Variants in SMURF1 observed in about 807,000 individuals in gnomAD.
SMURF1 encodes E3 ubiquitin-protein ligase SMURF1.
SMURF1 carries 44 observed loss-of-function variants against 98.0 expected under a neutral mutation model. The ratio of observed to expected loss-of-function variants is 0.45; its 90% CI spans 0.35 to 0.58. The LOEUF (loss-of-function observed/expected upper bound fraction) is 0.58. Ranked by LOEUF, SMURF1 falls within the 20% of genes least tolerant of loss-of-function variation. SMURF1 has a pLI of 0.00. For missense variants in SMURF1, 687 were observed against 938.4 expected, an observed-to-expected ratio of 0.73 and a Z score of 3.50; for synonymous variants, 396 against 374.9, an observed-to-expected ratio of 1.06 and a Z score of -0.65.
At chr7:99,051,167 A>T (rs1795744986) in intron 8 of SMURF1, among the ~76,000 whole-genome samples, 190 bp downstream of exon 8, 1 of 152,036 alleles carries the variant, frequency 6.6e-6, no homozygotes, top group African/African-American at 2.4e-5. Flanking sequence ...GTCAACAATG[A>T]CTCACGTTTC....
chr7:99,061,022 C>T (rs527338805), intron 2 of SMURF1, among the ~76,000 whole-genome samples: 16 of 152,136 alleles, frequency 1.1e-4, no homozygotes, highest in Non-Finnish European at 1.9e-4. Context: ...AATTTGTTTA[C>T]TGATCTTTGC....
chr7:99,088,248 ACT>A, intron 1 of SMURF1, among the ~76,000 whole-genome samples: 1 of 148,816 alleles, frequency 6.7e-6, no homozygotes, highest in Non-Finnish European at 1.5e-5. Flanking sequence ...ACAGAGCAAG[ACT>A]CTGTCTCAAA....
At chr7:99,105,279 G>A (rs145427669) in intron 1 of SMURF1, among the ~76,000 whole-genome samples, 12 of 152,320 alleles carry the variant, frequency 7.9e-5, no homozygotes, top group African/African-American at 2.9e-4. Context: ...CACTGTGAGA[G>A]TCTTCATGCA....
intron 12 of SMURF1, among the ~76,000 whole-genome samples, chr7:99,041,380 G>T (rs1456320850): frequency 1.3e-5 from 2 of 151,964 alleles, no homozygotes; most frequent in African/African-American, 2.4e-5. Flanking sequence ...CCAGCCTGGG[G>T]GACACAGCGA....
At position 99,033,081 on chromosome 7, in the gene SMURF1, G is replaced by T. The variant is rs780758465; in HGVS notation, c.2052C>A (p.His684Gln). 6.3e-6 allele frequency: 10 copies of T among 1,592,142 alleles called. No individual in the cohort carries two copies. Among genetic ancestry groups the T allele is most frequent in the Non-Finnish European group, 8.6e-6 (10 of 1,168,638 alleles). Reference sequence around the variant, plus strand: ...GGTTGTCTGTGTTCGCGTCTATCAGGTGGATGGTGAACAGCCGGGGCCCTG... The same window carrying T: ...GGTTGTCTGTGTTCGCGTCTATCAGTTGGATGGTGAACAGCCGGGGCCCTG... ...GAAGPRLFTIHLIDANTDNLP... is the reference protein window; with the variant it reads ...GAAGPRLFTIQLIDANTDNLP... The change falls in exon 17 of 18, where the codon CAC becomes CAA. Residue 684 changes from histidine (H) to glutamine (Q), a missense_variant. His to Gln is a conservative substitution (Grantham distance 24). Transcript: ENST00000361368.
intron 2 of SMURF1, among the ~76,000 whole-genome samples, chr7:99,061,409 G>A (rs372500570): frequency 6.6e-6 from 1 of 152,186 alleles, no homozygotes; most frequent in South Asian, 2.1e-4. Context: ...ATAGGGTGTT[G>A]TAAATGTGAT....
At chr7:99,107,752 G>A (rs1797224411) in intron 1 of SMURF1, among the ~76,000 whole-genome samples, 1 of 152,178 alleles carries the variant, frequency 6.6e-6, no homozygotes, top group African/African-American at 2.4e-5. Context: ...GTCCCAGGGT[G>A]GTATTAAGTG....
rs377578947 is a variant in SMURF1, at chr7:99,136,652, CATT to C, written c.55+7071_55+7073del. ...AATGGGAATGTTTCCACAATTTCAT[CATT>C]TAAAGATGATGCTGGCTAGGTGCAG... On this transcript the variant is annotated intron_variant, in intron 1 of 17. Coordinates refer to ENST00000361368, the MANE Select transcript of SMURF1 (RefSeq NM_181349.3). Among the ~76,000 whole-genome samples the C allele has an allele frequency of 3.0e-4, 45 of 152,290 alleles. 1 individual carries two copies. The East Asian group carries it at 7.3e-3, about 25-fold the overall frequency.
chr7:99,082,379 T>C (rs1021573778), intron 1 of SMURF1, among the ~76,000 whole-genome samples: 1 of 152,348 alleles, frequency 6.6e-6, no homozygotes, highest in East Asian at 1.9e-4. Flanking sequence ...TTTATTCCTG[T>C]TTTCTCCTAG....
intron 1 of SMURF1, among the ~76,000 whole-genome samples, chr7:99,133,175 C>A (rs1006037927): frequency 2.6e-5 from 4 of 152,046 alleles, no homozygotes; most frequent in African/African-American, 7.2e-5. Context: ...TGGATTGCAC[C>A]AATGTAAACA....
chr7:99,108,822 G>C (rs936005853), intron 1 of SMURF1, among the ~76,000 whole-genome samples: 1 of 152,024 alleles, frequency 6.6e-6, no homozygotes, highest in East Asian at 1.9e-4. Context: ...GAGCATAACA[G>C]AATGGAATTC....
chr7:99,033,215 T>A, intron 16 of SMURF1, 94 bp from the exon 17 acceptor site: 1 of 1,241,500 alleles, frequency 8.1e-7, no homozygotes, highest in Non-Finnish European at 1.1e-6. Flanking sequence ...CTGACCACAT[T>A]CCCACCCCCA....
At chr7:99,081,894 C>A (rs1013183571) in intron 1 of SMURF1, among the ~76,000 whole-genome samples, 1 of 152,204 alleles carries the variant, frequency 6.6e-6, no homozygotes, top group South Asian at 2.1e-4. Flanking sequence ...CTCAGGTGAT[C>A]CACCTGCCTT....
chr7:99,097,245 T>C (rs369431963), intron 1 of SMURF1, among the ~76,000 whole-genome samples: 19 of 152,282 alleles, frequency 1.2e-4, no homozygotes, highest in East Asian at 1.2e-3. Flanking sequence ...TCATAAACTC[T>C]AACTTGAGCT....
At chr7:99,117,532 G>T (rs927090225) in intron 1 of SMURF1, among the ~76,000 whole-genome samples, 9 of 151,476 alleles carry the variant, frequency 5.9e-5, no homozygotes, top group African/African-American at 2.2e-4. Flanking sequence ...TGTATTTTTA[G>T]TAGAGACGGG....
intron 1 of SMURF1, among the ~76,000 whole-genome samples, chr7:99,102,719 T>A (rs1461860472): frequency 1.3e-5 from 2 of 152,222 alleles, no homozygotes; most frequent in African/African-American, 4.8e-5. Flanking sequence ...ATGTTATAAG[T>A]AAAGGTTATA....
chr7:99,114,513 A>G (rs2150609282), intron 1 of SMURF1, among the ~76,000 whole-genome samples: 1 of 152,294 alleles, frequency 6.6e-6, no homozygotes, highest in Non-Finnish European at 1.5e-5. Flanking sequence ...ATATATGAGG[A>G]AAAAAACTAA....
At chr7:99,098,340 T>C (rs1796999313) in intron 1 of SMURF1, among the ~76,000 whole-genome samples, 1 of 152,112 alleles carries the variant, frequency 6.6e-6, no homozygotes, top group African/African-American at 2.4e-5. Context: ...AAAAGGTAAC[T>C]GAGTTAGAAG....
chr7:99,054,750 G>A lies in SMURF1; in HGVS notation c.479+40C>T, dbSNP rs143708480. 2.6e-3 allele frequency: 4,058 copies of A among 1,580,848 alleles called. 10 individuals carry two copies. Among genetic ancestry groups the A allele is most frequent in the Middle Eastern group, 3.9e-3 (23 of 5,928 alleles). On this transcript the variant is annotated intron_variant, in intron 6 of 17. Transcript: ENST00000361368. Reference sequence around the variant, plus strand: ...TCCTATAGGCCGAGAGGTTAAGGCAGCAGAGAACTCAGCCCGCCTCTTGCT... The same window carrying A: ...TCCTATAGGCCGAGAGGTTAAGGCAACAGAGAACTCAGCCCGCCTCTTGCT...
Sources: allele counts gnomAD v4.1 joint callset (sites outside exome capture counted in the v4.1 genomes callset), GRCh38; gene constraint gnomAD v4.1.1; transcripts MANE v1.5; gene names NCBI Gene and HGNC (gene_info 2026-07-23, HGNC 2026-07-21).